The following DNASE1 variants were observed in gnomAD, a reference collection of about 807,000 sequenced individuals.
The protein encoded by DNASE1 is deoxyribonuclease 1, also known as deoxyribonuclease-1.
DNASE1 carries 40 observed loss-of-function variants against 33.9 expected under a neutral mutation model. That is an observed-to-expected ratio of 1.18 (90% CI 0.92 to 1.54). The LOEUF is 1.54. Among genes scored for constraint, DNASE1 ranks in the 40% most tolerant of loss-of-function variants. DNASE1 has a pLI of 0.00. For missense variants in DNASE1, 518 were observed against 372.6 expected, an observed-to-expected ratio of 1.39 and a Z score of -3.21; for synonymous variants, 216 against 160.0, an observed-to-expected ratio of 1.35 and a Z score of -2.64.
intron 1 of DNASE1, among the ~76,000 whole-genome samples, chr16:3,649,027 C>T (rs906744704): frequency 6.6e-6 from 1 of 152,156 alleles, no homozygotes; most frequent in African/African-American, 2.4e-5. Flanking sequence ...TGCTGTTGAA[C>T]GTGAGCCTCT....
intron 1 of DNASE1, among the ~76,000 whole-genome samples, chr16:3,621,315 A>G (rs139615604): frequency 2.6e-5 from 4 of 152,180 alleles, no homozygotes; most frequent in African/African-American, 9.6e-5. Context: ...TTAAACTCTT[A>G]GCCTCTGGTG....
chr16:3,648,821 A>T (rs1298152322), intron 1 of DNASE1, among the ~76,000 whole-genome samples: 2 of 152,256 alleles, frequency 1.3e-5, no homozygotes, highest in East Asian at 3.8e-4. Flanking sequence ...TGGATGTTTT[A>T]TAGGATCTAA....
chr16:3,630,704 C>G (rs915562771), intron 1 of DNASE1, among the ~76,000 whole-genome samples: 1 of 151,868 alleles, frequency 6.6e-6, no homozygotes, highest in African/African-American at 2.4e-5. Context: ...CTTTGACTTT[C>G]AATCTAGTTG....
intron 1 of DNASE1, among the ~76,000 whole-genome samples, chr16:3,629,224 G>A (rs944206207): frequency 6.7e-6 from 1 of 150,198 alleles, no homozygotes; most frequent in Non-Finnish European, 1.5e-5. Flanking sequence ...GTTTAACAAT[G>A]TAGGTTTTTC....
Position 3,655,467 on chromosome 16 carries a change from A to C in DNASE1, c.94A>C (p.Thr32Pro). Residue 32 changes from threonine (T) to proline (P), a missense_variant, in exon 2 of 9, where the codon ACA becomes CCA. Coordinates refer to ENST00000246949, the MANE Select transcript of DNASE1 (RefSeq NM_005223.4). ...GAAGATCGCAGCCTTCAACATCCAG[A>C]CATTTGGGGAGACCAAGATGTCCAA... is the stretch of plus-strand genomic sequence containing the variant. Reference protein sequence around the residue: ...SLKIAAFNIQTFGETKMSNAT... With the variant: ...SLKIAAFNIQPFGETKMSNAT... 6.2e-7 allele frequency: 1 copy of C among 1,614,114 alleles called. No homozygotes were observed. The highest frequency in any genetic ancestry group is 1.1e-5 in the South Asian group (1 of 91,086).
chr16:3,630,343 G>A (rs1256053084), intron 1 of DNASE1, among the ~76,000 whole-genome samples: 1 of 151,952 alleles, frequency 6.6e-6, no homozygotes, highest in Non-Finnish European at 1.5e-5. Flanking sequence ...CACCACACCT[G>A]GCTAATTTTT....
upstream of DNASE1, among the ~76,000 whole-genome samples, chr16:3,638,483 G>A (rs187847606): frequency 3.0e-3 from 464 of 152,180 alleles, 2 homozygotes; most frequent in Non-Finnish European, 5.0e-3. Context: ...GACTACAGGC[G>A]CCCGCCACCA....
At chr16:3,633,598 G>A (rs1156451334) in intron 1 of DNASE1, among the ~76,000 whole-genome samples, 1 of 147,732 alleles carries the variant, frequency 6.8e-6, no homozygotes, top group Admixed American at 6.8e-5. Context: ...ACAAGAGCGA[G>A]ACTCCATCTC....
Position 3,614,173 on chromosome 16 carries a change from G to A in DNASE1, c.-1359+2167G>A, listed in dbSNP as rs574188787. ...GTGATCTGCCCGCCTTGGCCTCCCA[G>A]AGTGCTGGGATTACAGGTGTGAGCC... On this transcript the variant is annotated intron_variant and NMD_transcript_variant, in intron 1 of 11. Transcript: ENST00000570769. Among the ~76,000 whole-genome samples the A allele has an allele frequency of 8.6e-5, 13 of 151,878 alleles. No individual in the cohort carries two copies. In the East Asian group the frequency reaches 9.7e-4, roughly 11 times the overall value.
At chr16:3,657,840 C>T (rs1567214146) in intron 8 of DNASE1, 24 bp downstream of exon 8, 2 of 1,613,898 alleles carry the variant, frequency 1.2e-6, no homozygotes, top group East Asian at 2.2e-5. Flanking sequence ...CTTGCACAGC[C>T]ACATGAGGAT....
intron 1 of DNASE1, among the ~76,000 whole-genome samples, chr16:3,647,264 T>A (rs2151199700): frequency 8.0e-6 from 1 of 124,646 alleles, no homozygotes; most frequent in East Asian, 2.4e-4. Context: ...ATCATGGGAT[T>A]TTTTTTTTTT....
At chr16:3,663,788 A>C in exon 10 of DNASE1, 8 of 561,938 alleles carry the variant, frequency 1.4e-5, no homozygotes, top group East Asian at 3.1e-5. Context: ...AGAAATCCAC[A>C]TGTGGCTGAG....
intron 1 of DNASE1, among the ~76,000 whole-genome samples, chr16:3,618,546 A>G (rs936653728): frequency 1.3e-5 from 2 of 152,152 alleles, no homozygotes; most frequent in Non-Finnish European, 2.9e-5. Context: ...CTTGGCCAAT[A>G]TGGTGAAACC....
downstream of DNASE1, chr16:3,662,882 C>T (rs766679569): frequency 6.8e-6 from 11 of 1,613,622 alleles, no homozygotes; most frequent in Non-Finnish European, 9.3e-6. Flanking sequence ...AAAGCCTCAC[C>T]TTCACGTTGG....
intron 1 of DNASE1, among the ~76,000 whole-genome samples, chr16:3,619,061 GT>G (rs1282726272): frequency 2.6e-5 from 4 of 151,638 alleles, no homozygotes; most frequent in Non-Finnish European, 4.4e-5. Context: ...TTGAGACGGG[GT>G]TACACTCTAT....
chr16:3,656,940 C>A (rs987166937), intron 5 of DNASE1, 59 bp from the exon 6 acceptor site: 13 of 1,590,318 alleles, frequency 8.2e-6, no homozygotes, highest in Non-Finnish European at 1.1e-5. Context: ...TTCCAGCTGA[C>A]ATGGTGACTG....
At chr16:3,645,232 G>A (rs1003982814) in intron 1 of DNASE1, among the ~76,000 whole-genome samples, 8 of 152,160 alleles carry the variant, frequency 5.3e-5, no homozygotes, top group Non-Finnish European at 7.4e-5. Flanking sequence ...CCCTGAGGGC[G>A]CCCTCCCTTT....
upstream of DNASE1, among the ~76,000 whole-genome samples, chr16:3,638,467 A>G (rs2041938744): frequency 6.6e-6 from 1 of 152,096 alleles, no homozygotes; most frequent in Non-Finnish European, 1.5e-5. Context: ...CCTCCCGAGT[A>G]GCTGGGACTA....
intron 1 of DNASE1, among the ~76,000 whole-genome samples, chr16:3,635,273 C>A (rs1338828342): frequency 7.9e-5 from 12 of 151,970 alleles, no homozygotes; most frequent in African/African-American, 2.7e-4. Context: ...GCCTGGCCAA[C>A]ATGGTGAAAC....
Sources: allele counts gnomAD v4.1 joint callset (sites outside exome capture counted in the v4.1 genomes callset), GRCh38; gene constraint gnomAD v4.1.1; transcripts MANE v1.5; gene names NCBI Gene and HGNC (gene_info 2026-07-23, HGNC 2026-07-21).